VEGFC: variants seen among roughly 807,000 people sequenced by gnomAD.
VEGFC encodes the protein FLT4 ligand DHM.
In VEGFC, 12 loss-of-function variants were observed where a neutral mutation model predicts 46.1. That is an observed-to-expected ratio of 0.26 (90% CI 0.17 to 0.42). The LOEUF (loss-of-function observed/expected upper bound fraction) is 0.42, where lower values mean the gene tolerates loss of function less well. VEGFC is among the 10% of genes least tolerant of loss of function. VEGFC has a pLI of 1.00. For synonymous variants in VEGFC, 232 were observed against 195.5 expected, an observed-to-expected ratio of 1.19 and a Z score of -1.56; for missense variants, 488 against 529.4, an observed-to-expected ratio of 0.92 and a Z score of 0.77.
chr4:176,740,423 A>G (rs1735149419), intron 1 of VEGFC, among the ~76,000 whole-genome samples: 1 of 55,122 alleles, frequency 1.8e-5, no homozygotes, highest in South Asian at 1.1e-3. Context: ...TATTCTATAT[A>G]TAGTTATATA....
Position 176,792,634 on chromosome 4 carries a change from G to T in VEGFC, c.-323C>A, listed in dbSNP as rs1416713716. 4.1e-6 allele frequency: 1 copy of T among 241,264 alleles called. No homozygotes were observed. The highest frequency in any genetic ancestry group is 7.9e-6 in the Non-Finnish European group (1 of 127,058). The allele number at this position is 241,264 out of a possible 1,614,324, so 14.9% of individuals were successfully genotyped here. A position where few individuals can be genotyped will look rare whatever the true frequency, so the allele number is the denominator to read the frequency against. ...GGAGGACGCCGCCGCGGTCCGCGTC[G>T]GTGTAGCTTTTTGGAGAGGCGGGGC... is the stretch of plus-strand genomic sequence containing the variant. On this transcript the variant is annotated 5_prime_UTR_variant, in exon 1 of 7. Transcript: ENST00000618562. This position sits in a 1 kb window ranked among gnomAD's most constrained non-coding sequence, Gnocchi z 6.3.
intron 1 of VEGFC, among the ~76,000 whole-genome samples, chr4:176,738,678 C>A (rs1259551889): frequency 6.6e-6 from 1 of 152,012 alleles, no homozygotes; most frequent in Non-Finnish European, 1.5e-5. Flanking sequence ...AAAGCGATTG[C>A]AACAAAAGCA....
At chr4:176,778,907 T>G (rs1178476040) in intron 1 of VEGFC, among the ~76,000 whole-genome samples, 2 of 152,188 alleles carry the variant, frequency 1.3e-5, no homozygotes, top group African/African-American at 4.8e-5. Flanking sequence ...TAAATCAGTT[T>G]GACAAAATTT....
chr4:176,702,202 C>T (rs1734446053), intron 4 of VEGFC, among the ~76,000 whole-genome samples: 1 of 152,056 alleles, frequency 6.6e-6, no homozygotes, highest in Admixed American at 6.6e-5. Context: ...TAAATAAACC[C>T]TAGTAAGTGT....
chr4:176,729,475 G>A, intron 2 of VEGFC, 58 bp downstream of exon 2: 1 of 1,457,100 alleles, frequency 6.9e-7, no homozygotes, highest in Non-Finnish European at 9.2e-7. Context: ...AACCAGGCTG[G>A]CAACTTCTAC....
rs149279339 is a variant in VEGFC at position 176,731,987 on chromosome 4, T to C, written c.148-2241A>G. Among the ~76,000 whole-genome samples the C allele has an allele frequency of 3.9e-3, 592 of 151,542 alleles. 3 individuals carry two copies. Among genetic ancestry groups the C allele is most frequent in the African/African-American group, 0.013 (524 of 41,360 alleles). On this transcript the variant is annotated intron_variant, in intron 1 of 6. Coordinates refer to ENST00000618562, the MANE Select transcript of VEGFC (RefSeq NM_005429.5). ...ATAGAGAAAATGCAATATTAAAAAA[T>C]GAAAAAAGTAGAAAAGCTATTATAT... is the stretch of plus-strand genomic sequence containing the variant.
chr4:176,729,918 A>G (rs1008182257), intron 1 of VEGFC, among the ~76,000 whole-genome samples, 172 bp from the exon 2 acceptor site: 1 of 152,154 alleles, frequency 6.6e-6, no homozygotes, highest in African/African-American at 2.4e-5. Flanking sequence ...TTGTATTTTA[A>G]TTTGTATGAA....
chr4:176,732,298 A>T (rs1734980859), intron 1 of VEGFC, among the ~76,000 whole-genome samples: 2 of 151,950 alleles, frequency 1.3e-5, no homozygotes, highest in Non-Finnish European at 2.9e-5. Flanking sequence ...AATTCTTTTC[A>T]ATCCTTTTCA....
At chr4:176,759,491 T>C (rs1373193531) in intron 1 of VEGFC, among the ~76,000 whole-genome samples, 1 of 151,898 alleles carries the variant, frequency 6.6e-6, no homozygotes, top group African/African-American at 2.4e-5. Flanking sequence ...AACGGGGAGA[T>C]GTTGTGTACA....
At chr4:176,736,103 G>A (rs970930561) in intron 1 of VEGFC, among the ~76,000 whole-genome samples, 9 of 151,848 alleles carry the variant, frequency 5.9e-5, no homozygotes, top group Non-Finnish European at 8.8e-5. Flanking sequence ...GACCTAAAAA[G>A]TACTTCTCAA....
At chr4:176,769,378 GT>G (rs1735685946) in intron 1 of VEGFC, among the ~76,000 whole-genome samples, 2 of 152,114 alleles carry the variant, frequency 1.3e-5, no homozygotes, top group Non-Finnish European at 1.5e-5. Flanking sequence ...CCTCTCCTGT[GT>G]GTCCTCTTGC....
At chr4:176,777,866 C>T (rs1333993695) in intron 1 of VEGFC, among the ~76,000 whole-genome samples, 1 of 124,174 alleles carries the variant, frequency 8.1e-6, no homozygotes, top group Non-Finnish European at 1.6e-5. Flanking sequence ...TTGCAGTGAG[C>T]CAAGATTGTG....
intron 1 of VEGFC, among the ~76,000 whole-genome samples, chr4:176,783,999 A>C (rs1278705176): frequency 6.6e-6 from 1 of 151,756 alleles, no homozygotes; most frequent in African/African-American, 2.4e-5. Context: ...ATTTAACACA[A>C]ATTTACAGAA....
intron 1 of VEGFC, among the ~76,000 whole-genome samples, chr4:176,770,739 G>C (rs573783101): frequency 6.6e-4 from 101 of 152,138 alleles, no homozygotes; most frequent in African/African-American, 2.3e-3. Context: ...AGAAGATTAG[G>C]ACACAGAGTT....
chr4:176,785,250 C>T (rs1202925997), intron 1 of VEGFC, among the ~76,000 whole-genome samples: 1 of 152,078 alleles, frequency 6.6e-6, no homozygotes, highest in Non-Finnish European at 1.5e-5. Context: ...AAATAGAAAC[C>T]TTTCAACTAT....
In VEGFC at chr4:176,792,243, G is replaced by T. The variant is rs777910535; in HGVS notation, c.69C>A (p.Arg23=). ...LLAAALLPGP[R]EAPAAAAAFE... is the part of the protein sequence containing the mutation. ...AGGCGGCGGCGGCGGCGGGCGCCTC[G>T]CGAGGACCCGGGAGCAGCGCAGCGG... The change falls in exon 1 of 7, where the codon CGC becomes CGA. Residue 23 remains arginine (R), a synonymous_variant. Transcript: ENST00000618562. This position sits in a 1 kb window ranked among gnomAD's most constrained non-coding sequence, Gnocchi z 6.3. 6.4e-6 allele frequency: 10 copies of T among 1,555,158 alleles called. No individual in the cohort carries two copies. The Middle Eastern group carries it at 5.1e-4, about 80-fold the overall frequency.
intron 4 of VEGFC, among the ~76,000 whole-genome samples, chr4:176,688,150 A>G (rs1375128104): frequency 6.6e-6 from 1 of 152,232 alleles, no homozygotes; most frequent in African/African-American, 2.4e-5. Flanking sequence ...CTTAGAGGAC[A>G]CCAGACTTTT....
At chr4:176,684,136 G>T in intron 6 of VEGFC, 96 bp from the exon 7 acceptor site, 4 of 889,624 alleles carry the variant, frequency 4.5e-6, no homozygotes, top group Non-Finnish European at 7.1e-6. Context: ...TTTCAGACTG[G>T]AATAAAATTA....
chr4:176,709,031 G>GT (rs1734579180), intron 4 of VEGFC, among the ~76,000 whole-genome samples: 1 of 152,182 alleles, frequency 6.6e-6, no homozygotes, highest in Non-Finnish European at 1.5e-5. Context: ...CTTACTCTAA[G>GT]ACTCAGGCTC....
Sources: gnomAD v4.1 joint callset for allele counts (sites outside exome capture counted in the v4.1 genomes callset) on GRCh38, gnomAD v4.1.1 for gene constraint, Gnocchi (gnomAD v3.1) non-coding constraint, MANE v1.5 for transcripts, NCBI Gene and HGNC (gene_info 2026-07-23, HGNC 2026-07-21) for gene names.